FGF12: variants seen among roughly 807,000 people sequenced by gnomAD.
FGF12 encodes the protein fibroblast growth factor 12B.
FGF12 carries 14 observed loss-of-function variants against 23.6 expected under a neutral mutation model. That is an observed-to-expected ratio of 0.59 (90% CI 0.39 to 0.93). FGF12 has a LOEUF of 0.93. Ranked by LOEUF, FGF12 falls within the 40% of genes least tolerant of loss-of-function variation. The pLI is 0.00. For synonymous variants in FGF12, 62 were observed against 77.3 expected, an observed-to-expected ratio of 0.80 and a Z score of 1.04; for missense variants, 175 against 217.8, an observed-to-expected ratio of 0.80 and a Z score of 1.24.
At chr3:192,489,662 C>T (rs1361853340) in intron 2 of FGF12, among the ~76,000 whole-genome samples, 1 of 152,050 alleles carries the variant, frequency 6.6e-6, no homozygotes, top group East Asian at 1.9e-4. Flanking sequence ...GCAGGCATCA[C>T]TCTGCCACCC....
At chr3:192,171,184 A>AT (rs1035765715) in intron 4 of FGF12, among the ~76,000 whole-genome samples, 2 of 152,234 alleles carry the variant, frequency 1.3e-5, no homozygotes, top group Admixed American at 6.5e-5. Context: ...TCCTTAAAAC[A>AT]TTTTTTTCCT....
At chr3:192,586,385 A>G (rs1331810234) in intron 2 of FGF12, among the ~76,000 whole-genome samples, 1 of 152,198 alleles carries the variant, frequency 6.6e-6, no homozygotes, top group Non-Finnish European at 1.5e-5. Context: ...CTCAATTTCC[A>G]TATCTATATA....
At chr3:192,146,272 A>ATTTTTTT (rs10676941) in intron 5 of FGF12, among the ~76,000 whole-genome samples, 1 of 143,254 alleles carries the variant, frequency 7.0e-6, no homozygotes, top group African/African-American at 2.6e-5. Context: ...TAAAGTGTAT[A>ATTTTTTT]TTTTTTTTTT....
chr3:192,161,276 A>G (rs955218279), intron 5 of FGF12, among the ~76,000 whole-genome samples: 3 of 152,098 alleles, frequency 2.0e-5, no homozygotes, highest in African/African-American at 7.2e-5. Context: ...GGGCCTAGCA[A>G]TCTATGCTTT....
chr3:192,213,162 C>G (rs930564195), intron 4 of FGF12, among the ~76,000 whole-genome samples: 4 of 152,252 alleles, frequency 2.6e-5, no homozygotes, highest in African/African-American at 9.6e-5. Context: ...CTCTTCCTTC[C>G]CCCTTGTAAG....
intron 2 of FGF12, among the ~76,000 whole-genome samples, chr3:192,429,675 T>A (rs534019339): frequency 5.3e-5 from 8 of 152,318 alleles, no homozygotes; most frequent in Admixed American, 3.9e-4. Flanking sequence ...TAAACCACAA[T>A]GTATGTTACT....
At chr3:192,563,075 C>G (rs554193891) in intron 2 of FGF12, among the ~76,000 whole-genome samples, 1 of 152,264 alleles carries the variant, frequency 6.6e-6, no homozygotes, top group South Asian at 2.1e-4. Flanking sequence ...GTATAAGTGG[C>G]TTTTATATGC....
intron 2 of FGF12, among the ~76,000 whole-genome samples, chr3:192,657,024 T>C (rs779793630): frequency 1.1e-4 from 16 of 152,118 alleles, no homozygotes; most frequent in Admixed American, 9.8e-4. Flanking sequence ...AGGTCCCCAG[T>C]ACATATCAAC....
chr3:192,333,100 G>A (rs1284598325), intron 4 of FGF12, among the ~76,000 whole-genome samples: 2 of 151,994 alleles, frequency 1.3e-5, no homozygotes, highest in Non-Finnish European at 2.9e-5. Context: ...AAGCAAGAAG[G>A]ACAGAAGGAA....
intron 2 of FGF12, among the ~76,000 whole-genome samples, chr3:192,496,228 T>C (rs954224014): frequency 6.6e-6 from 1 of 152,010 alleles, no homozygotes; most frequent in African/African-American, 2.4e-5. Flanking sequence ...ACCACTGCAA[T>C]ATCTTACATT....
At chr3:192,588,068 G>A (rs1004822508) in intron 2 of FGF12, among the ~76,000 whole-genome samples, 3 of 151,578 alleles carry the variant, frequency 2.0e-5, no homozygotes, top group African/African-American at 7.3e-5. Context: ...AATCCAGGCC[G>A]GGCGCAGCAG....
chr3:192,419,544 A>G (rs1190073883), intron 2 of FGF12, among the ~76,000 whole-genome samples: 1 of 152,182 alleles, frequency 6.6e-6, no homozygotes, highest in Non-Finnish European at 1.5e-5. Context: ...ACTCAAGATC[A>G]GGAGCAATAC....
chr3:192,700,732 T>C (rs965818092), intron 2 of FGF12, among the ~76,000 whole-genome samples: 4 of 152,094 alleles, frequency 2.6e-5, no homozygotes, highest in African/African-American at 9.7e-5. Context: ...TAGGCCATGA[T>C]GGGAAGAGGG....
intron 2 of FGF12, among the ~76,000 whole-genome samples, chr3:192,555,663 T>C (rs1250616079): frequency 7.0e-6 from 1 of 142,384 alleles, no homozygotes; most frequent in African/African-American, 2.6e-5. Flanking sequence ...CCAGGTGTAG[T>C]GGCAGGTGCC....
intron 2 of FGF12, among the ~76,000 whole-genome samples, chr3:192,619,171 C>G (rs1422870750): frequency 6.6e-6 from 1 of 151,858 alleles, no homozygotes; most frequent in African/African-American, 2.4e-5. Context: ...TAATTGGCTG[C>G]CTGTAACCTC....
chr3:192,415,582 GTTT>G, intron 2 of FGF12, among the ~76,000 whole-genome samples: 1 of 151,974 alleles, frequency 6.6e-6, no homozygotes, highest in South Asian at 2.1e-4. Flanking sequence ...TGATTGTTTT[GTTT>G]TATCAACACT....
chr3:192,558,608 A>C (rs897910319), intron 2 of FGF12, among the ~76,000 whole-genome samples: 2 of 151,516 alleles, frequency 1.3e-5, no homozygotes, highest in Admixed American at 1.3e-4. Flanking sequence ...ACCAAAAAAT[A>C]AACAACAACA....
At chr3:192,576,560 C>A (rs1004496017) in intron 2 of FGF12, among the ~76,000 whole-genome samples, 5 of 152,162 alleles carry the variant, frequency 3.3e-5, no homozygotes, top group African/African-American at 1.2e-4. Flanking sequence ...GTCTTACCTG[C>A]ATGCTATGGC....
Position 192,528,489 on chromosome 3 carries a change from A to G in FGF12, c.14-167951T>C, listed in dbSNP as rs1363996218. ...GGTGTTGTGTGTCTGCAGCTTTTCTAGGTACACGGTACAACCTGTCAGTGG... is the reference window on the plus strand; with the variant it reads ...GGTGTTGTGTGTCTGCAGCTTTTCTGGGTACACGGTACAACCTGTCAGTGG... On this transcript the variant is annotated intron_variant, in intron 2 of 5. Transcript: ENST00000445105. Among the ~76,000 whole-genome samples, 9 of 152,210 alleles carry G rather than the reference A, an allele frequency of 5.9e-5. No individual in the cohort carries two copies. The East Asian group carries it at 1.6e-3, about 26-fold the overall frequency.
Sources: gnomAD v4.1 joint callset for allele counts (sites outside exome capture counted in the v4.1 genomes callset) on GRCh38, gnomAD v4.1.1 for gene constraint, MANE v1.5 for transcripts, NCBI Gene and HGNC (gene_info 2026-07-23, HGNC 2026-07-21) for gene names.